The following LOC400499 variants were observed in gnomAD, a reference collection of about 807,000 sequenced individuals.
chr16:11,386,348 C>G, the LOC400499 span, among the ~76,000 whole-genome samples: 2 of 152,268 alleles, frequency 1.3e-5, no homozygotes, highest in African/African-American at 2.4e-5. Context: ...GAGGCAGTAC[C>G]AGCCCCGTGG....
chr16:11,387,859 A>G, the LOC400499 span, among the ~76,000 whole-genome samples: 1 of 152,158 alleles, frequency 6.6e-6, no homozygotes, highest in African/African-American at 2.4e-5. Context: ...CCTGACTTCA[A>G]CTGATCTGCC....
the LOC400499 span, among the ~76,000 whole-genome samples, chr16:11,521,189 G>C: frequency 6.6e-6 from 1 of 152,096 alleles, no homozygotes; most frequent in Non-Finnish European, 1.5e-5. Flanking sequence ...CAACAAAACG[G>C]CTTTGAGAAA....
the LOC400499 span, among the ~76,000 whole-genome samples, chr16:11,403,419 A>G: frequency 3.9e-5 from 6 of 152,306 alleles, no homozygotes; most frequent in South Asian, 4.1e-4. Flanking sequence ...ATACACACAC[A>G]CACAGGCATG....
At chr16:11,496,060 C>T in the LOC400499 span, among the ~76,000 whole-genome samples, 4 of 136,144 alleles carry the variant, frequency 2.9e-5, no homozygotes, top group Admixed American at 3.6e-4. Context: ...CTCTGCCTAG[C>T]TCTGTCCTTT....
the LOC400499 span, among the ~76,000 whole-genome samples, chr16:11,454,561 A>C: frequency 6.6e-6 from 1 of 152,236 alleles, no homozygotes; most frequent in Non-Finnish European, 1.5e-5. Context: ...GCCAAGGAAC[A>C]CCAAGCTTCA....
the LOC400499 span, chr16:11,414,481 A>C: frequency 2.5e-6 from 1 of 400,104 alleles, no homozygotes; most frequent in Non-Finnish European, 4.4e-6. Flanking sequence ...CCCACCATGG[A>C]GGGCCACCCT....
chr16:11,422,296 G>T, the LOC400499 span, among the ~76,000 whole-genome samples: 1 of 152,174 alleles, frequency 6.6e-6, no homozygotes, highest in African/African-American at 2.4e-5. Flanking sequence ...CACCTACCTG[G>T]TGGGCTGAGG....
chr16:11,462,081 C>T, the LOC400499 span: 4 of 1,424,174 alleles, frequency 2.8e-6, no homozygotes, highest in Non-Finnish European at 3.7e-6. Flanking sequence ...AACCTGGCCA[C>T]AGAGCAGAGG....
At chr16:11,389,247 C>G in the LOC400499 span, among the ~76,000 whole-genome samples, 11,301 of 152,296 alleles carry the variant, frequency 0.074, 501 homozygotes, top group Non-Finnish European at 0.11. Context: ...ATCCACCCCC[C>G]CATCTCACCG....
chr16:11,413,689 TGAC>T, the LOC400499 span, among the ~76,000 whole-genome samples: 1 of 152,230 alleles, frequency 6.6e-6, no homozygotes, highest in African/African-American at 2.4e-5. Context: ...ATGATGATGA[TGAC>T]GATAATAATC....
At chr16:11,497,793 A>T in the LOC400499 span, among the ~76,000 whole-genome samples, 1 of 151,848 alleles carries the variant, frequency 6.6e-6, no homozygotes, top group Admixed American at 6.6e-5. Flanking sequence ...CAGAAACCAC[A>T]TCGCAAAGAG....
chr16:11,422,059 C>T, the LOC400499 span, among the ~76,000 whole-genome samples: 1 of 152,230 alleles, frequency 6.6e-6, no homozygotes, highest in South Asian at 2.1e-4. Flanking sequence ...CCCCCAAAGT[C>T]TTCGAGTTTG....
At chr16:11,428,965 G>T in the LOC400499 span, among the ~76,000 whole-genome samples, 1 of 152,156 alleles carries the variant, frequency 6.6e-6, no homozygotes, top group Non-Finnish European at 1.5e-5. Context: ...ATCTCGTAGG[G>T]ACTCCCACGG....
the LOC400499 span, chr16:11,467,405 T>C: frequency 6.8e-6 from 1 of 147,542 alleles, no homozygotes; most frequent in Non-Finnish European, 1.5e-5. Flanking sequence ...AGCCCAAGAG[T>C]TTGAGACCAG....
chr16:11,434,098 C>T, the LOC400499 span, among the ~76,000 whole-genome samples: 1 of 152,092 alleles, frequency 6.6e-6, no homozygotes, highest in Non-Finnish European at 1.5e-5. Context: ...GGGGAGGATC[C>T]CTCCTCCAGG....
chr16:11,500,446 G>A, the LOC400499 span, among the ~76,000 whole-genome samples: 1 of 152,008 alleles, frequency 6.6e-6, no homozygotes, highest in Non-Finnish European at 1.5e-5. Flanking sequence ...AGGAGGTGGA[G>A]GTTGCAGTGA....
the LOC400499 span, among the ~76,000 whole-genome samples, chr16:11,526,092 T>C: frequency 6.6e-6 from 1 of 152,236 alleles, no homozygotes; most frequent in East Asian, 1.9e-4. Flanking sequence ...TGCCAGACAG[T>C]GTTCTATGCT....
At chr16:11,402,319 C>G in the LOC400499 span, 2 of 396,346 alleles carry the variant, frequency 5.0e-6, no homozygotes, top group African/African-American at 4.1e-5. Context: ...AACTCAGAAG[C>G]TACACACTCG....
chr16:11,462,009 T>C, the LOC400499 span: 9 of 1,012,844 alleles, frequency 8.9e-6, no homozygotes, highest in African/African-American at 6.6e-5. Flanking sequence ...GGATGGGATG[T>C]TGATATTAAG....
Sources: allele counts gnomAD v4.1 joint callset (sites outside exome capture counted in the v4.1 genomes callset), GRCh38; gene constraint gnomAD v4.1.1; transcripts MANE v1.5.